Variants in DPYD observed in about 807,000 individuals in gnomAD.
DPYD encodes the protein dihydropyrimidine dehydrogenase [NADP(+)].
DPYD carries 109 observed loss-of-function variants against 116.2 expected under a neutral mutation model. The ratio of observed to expected loss-of-function variants is 0.94; its 90% CI spans 0.80 to 1.10. The LOEUF is 1.10. Among genes scored for constraint, DPYD ranks in the 50% least tolerant of loss-of-function variants. The pLI is 0.00. For synonymous variants in DPYD, 440 were observed against 432.0 expected (o/e 1.02, Z -0.23); for missense variants, 1,302 against 1,254.5 (o/e 1.04, Z -0.57).
intron 5 of DPYD, chr1:97,719,718 C>T (rs2101022060): frequency 2.0e-6 from 2 of 984,834 alleles, no homozygotes; most frequent in South Asian, 4.7e-5. Flanking sequence ...AATCAGGCAC[C>T]CTAATCGGCC....
At chr1:97,598,221 C>T (rs72732360) in intron 8 of DPYD, among the ~76,000 whole-genome samples, 1 of 151,868 alleles carries the variant, frequency 6.6e-6, no homozygotes, top group Admixed American at 6.6e-5. Context: ...AATGAGGCAA[C>T]CTTAAGTGAA....
intron 1 of DPYD, 142 bp downstream of exon 1, chr1:97,920,742 C>T (rs1394547446): frequency 8.1e-6 from 10 of 1,237,896 alleles, no homozygotes; most frequent in Non-Finnish European, 1.1e-5. Flanking sequence ...TCCTCCGCTC[C>T]CCCGCAGAGC....
chr1:97,251,893 A>G (rs1663125390), intron 18 of DPYD, among the ~76,000 whole-genome samples: 1 of 152,156 alleles, frequency 6.6e-6, no homozygotes, highest in Non-Finnish European at 1.5e-5. Context: ...GAGACCCCAG[A>G]GCCAAATTTC....
intron 3 of DPYD, among the ~76,000 whole-genome samples, chr1:97,785,647 A>T (rs1278440745): frequency 7.0e-6 from 1 of 142,202 alleles, no homozygotes; most frequent in East Asian, 2.1e-4. Flanking sequence ...TGGCCACAAG[A>T]GAGATTATCT....
At chr1:97,361,099 A>G (rs9659958) in intron 16 of DPYD, among the ~76,000 whole-genome samples, 51,370 of 151,894 alleles carry the variant, frequency 0.34, 9,090 homozygotes, top group East Asian at 0.55. Flanking sequence ...TCAAATAGAC[A>G]CAATAATAAA....
chr1:97,915,974 G>T (rs1454629504), intron 1 of DPYD, among the ~76,000 whole-genome samples: 1 of 151,968 alleles, frequency 6.6e-6, no homozygotes, highest in Non-Finnish European at 1.5e-5. Context: ...CTAATTATTA[G>T]AATTCTCCCA....
intron 14 of DPYD, among the ~76,000 whole-genome samples, chr1:97,433,701 T>C (rs1463357646): frequency 6.6e-6 from 1 of 152,100 alleles, no homozygotes; most frequent in East Asian, 1.9e-4. Flanking sequence ...TGAGTTTGAA[T>C]TGGAAAGGCC....
At chr1:97,332,759 T>C (rs146924731) in intron 16 of DPYD, among the ~76,000 whole-genome samples, 13 of 152,274 alleles carry the variant, frequency 8.5e-5, no homozygotes, top group African/African-American at 3.1e-4. Context: ...GATGGATACA[T>C]TGAAAAACAC....
chr1:97,191,150 T>C (rs1658328370), intron 20 of DPYD, among the ~76,000 whole-genome samples: 1 of 151,770 alleles, frequency 6.6e-6, no homozygotes, highest in Non-Finnish European at 1.5e-5. Context: ...CTGAGAATGA[T>C]GCACATGTAC....
chr1:97,174,957 A>G (rs1027145120), intron 20 of DPYD, among the ~76,000 whole-genome samples: 4 of 152,156 alleles, frequency 2.6e-5, no homozygotes, highest in Admixed American at 2.0e-4. Context: ...AACTCCACAT[A>G]AATGAAATCA....
At chr1:97,913,728 G>A (rs1379622581) in intron 1 of DPYD, among the ~76,000 whole-genome samples, 2 of 152,074 alleles carry the variant, frequency 1.3e-5, no homozygotes, top group Admixed American at 1.3e-4. Context: ...TCAATTCTGT[G>A]TAGGTACACT....
At chr1:97,362,780 T>C (rs1570596040) in intron 16 of DPYD, among the ~76,000 whole-genome samples, 2 of 152,310 alleles carry the variant, frequency 1.3e-5, no homozygotes, top group East Asian at 3.9e-4. Context: ...ATCCCTTCCT[T>C]ACACCTTACA....
intron 20 of DPYD, among the ~76,000 whole-genome samples, chr1:97,117,667 T>A (rs983372318): frequency 5.3e-5 from 8 of 152,186 alleles, no homozygotes; most frequent in African/African-American, 1.9e-4. Flanking sequence ...TGGTCTATAA[T>A]TTTGGTCTAC....
intron 19 of DPYD, among the ~76,000 whole-genome samples, chr1:97,207,090 A>G (rs966000237): frequency 5.9e-5 from 9 of 152,100 alleles, no homozygotes; most frequent in African/African-American, 2.2e-4. Context: ...CTTACCACAT[A>G]AAGATCTTTG....
intron 2 of DPYD, among the ~76,000 whole-genome samples, chr1:97,832,045 T>TGTGTGTG (rs1669562760): frequency 5.2e-5 from 7 of 133,950 alleles, no homozygotes. Flanking sequence ...ATATAATGTA[T>TGTGTGTG]TGTGTGTGTG....
At chr1:97,677,431 G>C (rs1479198987) in intron 8 of DPYD, among the ~76,000 whole-genome samples, 1 of 152,092 alleles carries the variant, frequency 6.6e-6, no homozygotes, top group African/African-American at 2.4e-5. Context: ...ACTTATTACT[G>C]ACCAAGCATT....
intron 16 of DPYD, among the ~76,000 whole-genome samples, chr1:97,327,876 C>T (rs539181744): frequency 1.1e-4 from 17 of 152,144 alleles, no homozygotes; most frequent in South Asian, 4.1e-4. Flanking sequence ...TTTGATGCTA[C>T]GTGCTGTGTT....
At chr1:97,919,593 TAA>T (rs1674396596) in intron 1 of DPYD, among the ~76,000 whole-genome samples, 1 of 152,138 alleles carries the variant, frequency 6.6e-6, no homozygotes, top group Admixed American at 6.6e-5. Flanking sequence ...TAAAATTTTT[TAA>T]AAAGTTAAGT....
At chr1:97,202,865 G>T (rs1659306727) in intron 19 of DPYD, among the ~76,000 whole-genome samples, 2 of 152,196 alleles carry the variant, frequency 1.3e-5, no homozygotes, top group Admixed American at 6.6e-5. Flanking sequence ...TGACACTAGA[G>T]ATAAAATGGG....
Sources: gnomAD v4.1 joint callset for allele counts (sites outside exome capture counted in the v4.1 genomes callset) on GRCh38, gnomAD v4.1.1 for gene constraint, MANE v1.5 for transcripts, NCBI Gene and HGNC (gene_info 2026-07-23, HGNC 2026-07-21) for gene names.